The following SLC9D1 variants were observed in gnomAD, a reference collection of about 807,000 sequenced individuals.
The protein encoded by SLC9D1 is putative LAG1-interacting protein.
At chr13:113,510,086 G>C in the SLC9D1 span, 94,167 of 687,422 alleles carry the variant, frequency 0.14, 8,349 homozygotes, top group African/African-American at 0.35. Flanking sequence ...CCCTGTGTGA[G>C]GATTCACCAT....
the SLC9D1 span, among the ~76,000 whole-genome samples, chr13:113,539,887 C>T: frequency 2.6e-5 from 4 of 152,110 alleles, no homozygotes; most frequent in East Asian, 1.9e-4. The surrounding 1 kb of genome is among the most constrained non-coding windows in gnomAD (Gnocchi z 4.8). Flanking sequence ...CCACCTTGCC[C>T]AGGCCCCAGT....
the SLC9D1 span, among the ~76,000 whole-genome samples, chr13:113,516,300 C>T: frequency 2.6e-5 from 4 of 152,150 alleles, no homozygotes; most frequent in Admixed American, 6.5e-5. Context: ...CATGGTGGCT[C>T]ATGCCTGTAA....
At chr13:113,504,389 T>C in the SLC9D1 span, 1 of 152,272 alleles carries the variant, frequency 6.6e-6, no homozygotes, top group African/African-American at 2.4e-5. Flanking sequence ...TTTGGTTACA[T>C]GCGTAGGTTC....
the SLC9D1 span, among the ~76,000 whole-genome samples, chr13:113,494,730 A>G: frequency 1.3e-5 from 2 of 152,104 alleles, no homozygotes; most frequent in African/African-American, 4.8e-5. Flanking sequence ...AAATGTGGCA[A>G]CATTTCAAAT....
At chr13:113,531,550 G>A in the SLC9D1 span, among the ~76,000 whole-genome samples, 13 of 151,176 alleles carry the variant, frequency 8.6e-5, no homozygotes, top group Admixed American at 4.6e-4. Flanking sequence ...CAGCACACGC[G>A]TGGACCTGCA....
the SLC9D1 span, among the ~76,000 whole-genome samples, chr13:113,538,305 C>CGT: frequency 1.7e-3 from 255 of 151,544 alleles, 1 homozygote; most frequent in African/African-American, 5.2e-3. Context: ...GGCACATGTG[C>CGT]GTGTGTGTGT....
chr13:113,541,490 C>T, the SLC9D1 span, among the ~76,000 whole-genome samples: 11 of 132,308 alleles, frequency 8.3e-5, no homozygotes, highest in Non-Finnish European at 1.6e-4. Flanking sequence ...TTTATTACCG[C>T]CGAGATGTGT....
the SLC9D1 span, among the ~76,000 whole-genome samples, chr13:113,522,242 C>G: frequency 1.3e-5 from 2 of 152,186 alleles, no homozygotes; most frequent in Admixed American, 6.5e-5. Context: ...CCATCTATTC[C>G]TAGTTTGCTG....
At chr13:113,534,713 C>T in the SLC9D1 span, 8 of 158,468 alleles carry the variant, frequency 5.0e-5, no homozygotes, top group Non-Finnish European at 1.1e-4. Context: ...TGGCTTGAGC[C>T]CAGGAGGCCA....
At chr13:113,517,885 G>A in the SLC9D1 span, among the ~76,000 whole-genome samples, 3 of 151,202 alleles carry the variant, frequency 2.0e-5, no homozygotes, top group Non-Finnish European at 4.4e-5. Flanking sequence ...GGGAAGAGGG[G>A]CCCCACAGCA....
chr13:113,496,048 G>GAGAGAGAGGGAGAGGGAGAGAGAGGTGA, the SLC9D1 span: 83 of 1,514,460 alleles, frequency 5.5e-5, no homozygotes, highest in Middle Eastern at 4.0e-4. Context: ...GAGGGAGAGA[G>GAGAGAGAGGGAGAGGGAGAGAGAGGTGA]AGAGAGAGGG....
the SLC9D1 span, among the ~76,000 whole-genome samples, chr13:113,507,748 T>G: frequency 5.2e-5 from 8 of 152,398 alleles, no homozygotes; most frequent in African/African-American, 1.9e-4. Context: ...TTCTGTCTTG[T>G]ATCTTCTCTG....
chr13:113,508,046 G>A, the SLC9D1 span, among the ~76,000 whole-genome samples: 1 of 152,256 alleles, frequency 6.6e-6, no homozygotes, highest in Non-Finnish European at 1.5e-5. Flanking sequence ...TGAACAGGAA[G>A]CTTCTTACTC....
At chr13:113,499,667 A>G in the SLC9D1 span, among the ~76,000 whole-genome samples, 2 of 152,264 alleles carry the variant, frequency 1.3e-5, no homozygotes, top group Non-Finnish European at 2.9e-5. Context: ...GAATAAAAAT[A>G]GAGCAGAAGA....
the SLC9D1 span, among the ~76,000 whole-genome samples, chr13:113,530,941 C>T: frequency 3.3e-3 from 498 of 152,332 alleles, no homozygotes; most frequent in Non-Finnish European, 5.7e-3. Context: ...ACCCGCCCAT[C>T]AGACTGGGCA....
chr13:113,529,451 C>A, the SLC9D1 span: 1 of 152,218 alleles, frequency 6.6e-6, no homozygotes, highest in Non-Finnish European at 1.5e-5. Flanking sequence ...GAGATCGAGA[C>A]CATCCTGGCT....
the SLC9D1 span, among the ~76,000 whole-genome samples, chr13:113,543,625 A>G: frequency 6.9e-6 from 1 of 144,258 alleles, no homozygotes; most frequent in African/African-American, 2.6e-5. Flanking sequence ...TTAGACGAGG[A>G]CTAATAAAAT....
the SLC9D1 span, among the ~76,000 whole-genome samples, chr13:113,548,996 G>A: frequency 3.3e-5 from 5 of 152,298 alleles, no homozygotes; most frequent in South Asian, 6.2e-4. Context: ...CATCCCCAGG[G>A]TCAGGGAAGC....
chr13:113,503,897 G>A, the SLC9D1 span: 12 of 289,736 alleles, frequency 4.1e-5, no homozygotes, highest in African/African-American at 2.4e-4. Context: ...TAGAGGGTCA[G>A]ATGTCATAGA....
Sources: gnomAD v4.1 joint callset for allele counts (sites outside exome capture counted in the v4.1 genomes callset) on GRCh38, gnomAD v4.1.1 for gene constraint, Gnocchi (gnomAD v3.1) non-coding constraint, MANE v1.5 for transcripts, NCBI Gene and HGNC (gene_info 2026-07-23, HGNC 2026-07-21) for gene names.